Variants in BPNT1 observed in about 807,000 individuals in gnomAD.
The protein encoded by BPNT1 is 3'(2'),5'-bisphosphate nucleotidase 1.
Under a neutral mutation model 36.9 loss-of-function variants are expected in BPNT1, and 28 were observed. The observed-to-expected ratio is 0.76, with a 90% CI of 0.56 to 1.04. The LOEUF (loss-of-function observed/expected upper bound fraction) is 1.04, where lower values mean the gene tolerates loss of function less well. Ranked by LOEUF, BPNT1 falls within the 50% of genes least tolerant of loss-of-function variation. The pLI, the probability that BPNT1 is intolerant of heterozygous loss-of-function variation, is 0.00. For synonymous variants in BPNT1, 119 were observed against 130.9 expected (o/e 0.91, Z 0.62); for missense variants, 313 against 372.9 (o/e 0.84, Z 1.32).
chr1:220,063,769 T>C (rs1255846082), intron 6 of BPNT1, among the ~76,000 whole-genome samples: 1 of 152,146 alleles, frequency 6.6e-6, no homozygotes, highest in Admixed American at 6.6e-5. Context: ...CCATGGATAA[T>C]GGGATCAGAG....
Position 220,079,811 on chromosome 1 carries a change from T to A in BPNT1, c.36A>T (p.Val12=). The part of the protein sequence containing the change: ...ASSNTVLMRL[V]ASAYSIAQKA... Reference sequence around the variant, plus strand: ...TTTGAGCAATAGAATATGCGGAGGCTACCAACCGCATCAACACAGTGTTAC... The same window carrying A: ...TTTGAGCAATAGAATATGCGGAGGCAACCAACCGCATCAACACAGTGTTAC... The change falls in exon 2 of 9, where the codon GTA becomes GTT. Residue 12 remains valine (V), a synonymous_variant. Transcript: ENST00000322067. 1 of 1,613,794 alleles carries A rather than the reference T, an allele frequency of 6.2e-7. No homozygotes were observed. Among genetic ancestry groups the A allele is most frequent in the Non-Finnish European group, 8.5e-7 (1 of 1,179,904 alleles).
rs868372500 is a variant in BPNT1 at position 220,058,326 on chromosome 1, G to A, written c.*518C>T. 54 of 987,114 alleles carry A rather than the reference G, an allele frequency of 5.5e-5. No homozygotes were observed. The highest frequency in any genetic ancestry group is 2.2e-4 in the East Asian group (2 of 8,906). The allele number at this position is 987,114 out of a possible 1,614,324, so 61.1% of individuals were successfully genotyped here. ...TATTGAGTTTATAAGTTCTCCAGAC[G>A]TCAAAATTGGTCTGGTTGATTAATC... On this transcript the variant is annotated 3_prime_UTR_variant, in exon 9 of 9. Coordinates refer to ENST00000322067, the MANE Select transcript of BPNT1 (RefSeq NM_006085.6).
chr1:220,087,662 G>T (rs890137284), intron 1 of BPNT1, among the ~76,000 whole-genome samples: 1 of 152,008 alleles, frequency 6.6e-6, no homozygotes, highest in Non-Finnish European at 1.5e-5. Flanking sequence ...AAAAAATATT[G>T]TATCACATAC....
At chr1:220,068,148 CTTAAT>C (rs1482186994) in intron 5 of BPNT1, among the ~76,000 whole-genome samples, 2 of 151,772 alleles carry the variant, frequency 1.3e-5, no homozygotes, top group Non-Finnish European at 2.9e-5. Flanking sequence ...TTATGTAGAC[CTTAAT>C]TTAATTTTAT....
chr1:220,062,486 T>C (rs1018112022), intron 7 of BPNT1, among the ~76,000 whole-genome samples: 2 of 152,146 alleles, frequency 1.3e-5, no homozygotes, highest in East Asian at 1.9e-4. Flanking sequence ...TCATTTTTTA[T>C]GGCTGCATAG....
At chr1:220,062,163 T>G (rs1381829309) in intron 7 of BPNT1, among the ~76,000 whole-genome samples, 3 of 152,036 alleles carry the variant, frequency 2.0e-5, no homozygotes, top group Admixed American at 6.6e-5. Context: ...ATTATTATAC[T>G]TTAAGTTTTA....
intron 1 of BPNT1, among the ~76,000 whole-genome samples, chr1:220,088,325 C>T (rs961667580): frequency 1.3e-5 from 2 of 151,362 alleles, no homozygotes; most frequent in African/African-American, 4.8e-5. Context: ...GAAACCCCAT[C>T]TCTACTAAAA....
At chr1:220,085,664 A>G (rs1655649237) in intron 1 of BPNT1, among the ~76,000 whole-genome samples, 2 of 152,250 alleles carry the variant, frequency 1.3e-5, no homozygotes, top group South Asian at 4.1e-4. Context: ...TAGTTTCTCC[A>G]ACAGTATTCT....
intron 7 of BPNT1, among the ~76,000 whole-genome samples, chr1:220,062,192 T>A (rs561085949): frequency 6.6e-6 from 1 of 151,942 alleles, no homozygotes; most frequent in Non-Finnish European, 1.5e-5. Flanking sequence ...GTGCACAATG[T>A]GCAGGTTAGT....
In BPNT1 at chr1:220,058,608, T is replaced by C; in HGVS notation, c.*236A>G. 1.2e-6 allele frequency: 1 copy of C among 805,332 alleles called. No individual in the cohort carries two copies. The highest frequency in any genetic ancestry group is 1.7e-6 in the Non-Finnish European group (1 of 601,192). 49.9% of individuals were successfully genotyped at this position (805,332 alleles called of 1,614,324 possible). Reference sequence around the variant, plus strand: ...GTGCAGTGGCACGATCTCAGCTCACTGCAACCTCTGCCTTCCGGGCTCAAG... The same window carrying C: ...GTGCAGTGGCACGATCTCAGCTCACCGCAACCTCTGCCTTCCGGGCTCAAG... On this transcript the variant is annotated 3_prime_UTR_variant, in exon 9 of 9. Coordinates refer to ENST00000322067, the MANE Select transcript of BPNT1 (RefSeq NM_006085.6).
intron 7 of BPNT1, 27 bp from the exon 8 acceptor site, chr1:220,059,818 C>G: frequency 6.8e-7 from 1 of 1,473,738 alleles, no homozygotes; most frequent in Non-Finnish European, 9.3e-7. Context: ...AAGAATTATC[C>G]TTTGATAATA....
chr1:220,078,564 ATATAT>A (rs902593189), intron 2 of BPNT1, among the ~76,000 whole-genome samples: 10 of 144,028 alleles, frequency 6.9e-5, no homozygotes, highest in Admixed American at 5.1e-4. Flanking sequence ...TATAAATATA[ATATAT>A]ATTATATATG....
chr1:220,076,104 C>G (rs746658207), intron 2 of BPNT1, among the ~76,000 whole-genome samples: 9 of 152,146 alleles, frequency 5.9e-5, no homozygotes, highest in Non-Finnish European at 1.2e-4. Flanking sequence ...CGCAGTGGCT[C>G]ATGCCTGTAA....
At chr1:220,070,608 C>T (rs1345307809) in intron 4 of BPNT1, among the ~76,000 whole-genome samples, 2 of 151,704 alleles carry the variant, frequency 1.3e-5, no homozygotes, top group Non-Finnish European at 2.9e-5. Flanking sequence ...ACTACAGGCG[C>T]GCACCACCAT....
At chr1:220,073,012 T>C (rs779374638) in intron 3 of BPNT1, 55 bp from the exon 4 acceptor site, 33 of 1,362,302 alleles carry the variant, frequency 2.4e-5, no homozygotes, top group South Asian at 1.3e-4. Context: ...TTACAGAGTA[T>C]GCTTTGTCTC....
intron 6 of BPNT1, among the ~76,000 whole-genome samples, chr1:220,065,252 C>A (rs1387801785): frequency 6.6e-6 from 1 of 152,146 alleles, no homozygotes; most frequent in Non-Finnish European, 1.5e-5. Context: ...GGATCAAGGA[C>A]TCTGGTGTCT....
chr1:220,071,698 TC>T, intron 4 of BPNT1, among the ~76,000 whole-genome samples: 2 of 152,274 alleles, frequency 1.3e-5, no homozygotes, highest in South Asian at 4.1e-4. Flanking sequence ...TCTTTTTTCT[TC>T]TTTTTGAGAC....
Position 220,062,917 on chromosome 1 carries a change from C to G in BPNT1, c.512G>C (p.Gly171Ala). ...CCCAAAGGCGCCTAAACCTAAAACTCCCCAGATTGTCCTCCCCAACACAGC... is the reference window on the plus strand; with the variant it reads ...CCCAAAGGCGCCTAAACCTAAAACTGCCCAGATTGTCCTCCCCAACACAGC... ...PDAVLGRTIW[G>A]VLGLGAFGFQ... The change falls in exon 7 of 9, where the codon GGA becomes GCA. Residue 171 changes from glycine (G) to alanine (A), a missense_variant. Gly to Ala is a moderately conservative substitution (Grantham distance 60). Coordinates refer to ENST00000322067, the MANE Select transcript of BPNT1 (RefSeq NM_006085.6). 6.2e-7 allele frequency: 1 copy of G among 1,614,140 alleles called. No individual in the cohort carries two copies. The highest frequency in any genetic ancestry group is 2.2e-5 in the East Asian group (1 of 44,882).
At chr1:220,066,126 A>C in intron 6 of BPNT1, 1 of 1,495,970 alleles carries the variant, frequency 6.7e-7, no homozygotes, top group Non-Finnish European at 8.9e-7. Flanking sequence ...TTCTGTGGAA[A>C]ATGAATACAA....
Sources: allele counts gnomAD v4.1 joint callset (sites outside exome capture counted in the v4.1 genomes callset), GRCh38; gene constraint gnomAD v4.1.1; transcripts MANE v1.5; gene names NCBI Gene and HGNC (gene_info 2026-07-23, HGNC 2026-07-21).